Variants in TOP3B observed in about 807,000 individuals in gnomAD.
The protein encoded by TOP3B is DNA topoisomerase 3-beta-1.
TOP3B carries 45 observed loss-of-function variants against 93.9 expected under a neutral mutation model. The ratio of observed to expected loss-of-function variants is 0.48; its 90% CI spans 0.38 to 0.61. TOP3B has a LOEUF of 0.61. Among genes scored for constraint, TOP3B ranks in the 20% least tolerant of loss-of-function variants. The pLI is 0.00. For synonymous variants in TOP3B, 357 were observed against 472.6 expected (o/e 0.76, Z 3.17); for missense variants, 750 against 1,156.1 (o/e 0.65, Z 5.09).
chr22:21,978,706 C>T (rs980153480), intron 1 of TOP3B, among the ~76,000 whole-genome samples: 5 of 151,082 alleles, frequency 3.3e-5, no homozygotes, highest in Non-Finnish European at 7.4e-5. Context: ...GCAGCTGAGA[C>T]CTGACTGTAG....
At chr22:21,979,597 A>G (rs1457090099) in intron 1 of TOP3B, among the ~76,000 whole-genome samples, 3 of 152,126 alleles carry the variant, frequency 2.0e-5, no homozygotes, top group Non-Finnish European at 4.4e-5. Context: ...TCATGATAAA[A>G]GGTTAGAAAC....
At chr22:21,957,996 A>G (rs1266726543) in intron 17 of TOP3B, 1 of 1,349,298 alleles carries the variant, frequency 7.4e-7, no homozygotes, top group Admixed American at 2.2e-5. Flanking sequence ...CTGGGTGCAG[A>G]CTGAGGCCTG....
chr22:21,962,687 T>C (rs946795762), intron 12 of TOP3B, 60 bp downstream of exon 12: 37 of 1,608,762 alleles, frequency 2.3e-5, no homozygotes, highest in Non-Finnish European at 3.0e-5. Context: ...CCAGACACGA[T>C]GTAGAATGTT....
chr22:21,974,694 G>A, intron 2 of TOP3B: 1 of 488,862 alleles, frequency 2.0e-6, no homozygotes, highest in East Asian at 3.6e-5. Flanking sequence ...CAACAACCTA[G>A]CACAGAGCAC....
chr22:21,959,029 T>C (rs1295154236), intron 16 of TOP3B, 103 bp downstream of exon 16: 1 of 1,508,388 alleles, frequency 6.6e-7, no homozygotes, highest in Non-Finnish European at 8.9e-7. Flanking sequence ...CATCATTCTT[T>C]TGTGACAACC....
intron 8 of TOP3B, 68 bp downstream of exon 8, chr22:21,967,535 A>C: frequency 8.3e-7 from 1 of 1,197,812 alleles, no homozygotes; most frequent in Admixed American, 1.7e-5. Context: ...CTGTTCCTCC[A>C]GCGGGAGGCA....
chr22:21,980,843 A>C (rs1298172284), intron 1 of TOP3B, among the ~76,000 whole-genome samples: 1 of 152,100 alleles, frequency 6.6e-6, no homozygotes, highest in African/African-American at 2.4e-5. Flanking sequence ...CTCTCCCACA[A>C]TTGTCAGGTT....
chr22:21,964,287 C>T lies in TOP3B; in HGVS notation c.972G>A (p.Thr324=), dbSNP rs760265874. Residue 324 remains threonine, a synonymous_variant, in exon 10 of 18, where the codon ACG becomes ACA. Transcript: ENST00000357179. ...AGCCTTGCGTGTAGAGCCGCTCAGC[C>T]GTCTGCATGGCGTGCTGCGGCCCCA... The part of the protein sequence containing the change: ...LGMGPQHAMQ[T]AERLYTQGYI... 37 of 1,613,898 alleles carry T rather than the reference C, an allele frequency of 2.3e-5. No homozygotes were observed. Among genetic ancestry groups the T allele is most frequent in the Middle Eastern group, 1.6e-4 (1 of 6,070 alleles).
At position 21,959,250 on chromosome 22, in the gene TOP3B, G is replaced by A; in HGVS notation, c.1805-18C>T. 1 of 1,610,670 alleles carries A rather than the reference G, an allele frequency of 6.2e-7. No individual in the cohort carries two copies. Among genetic ancestry groups the A allele is most frequent in the Non-Finnish European group, 8.5e-7 (1 of 1,179,812 alleles). On this transcript the variant is annotated intron_variant, in intron 15 of 17. Coordinates refer to ENST00000357179, the MANE Select transcript of TOP3B (RefSeq NM_001282112.2). The stretch of plus-strand genomic sequence containing the variant: ...ATCCATGCCTGCGGGCAAGCAGAGT[G>A]CAGGAGTCATCTCCCTCCCAGTCCC...
chr22:21,975,402 T>A (rs1569157575), intron 2 of TOP3B: 1 of 453,040 alleles, frequency 2.2e-6, no homozygotes, highest in East Asian at 3.6e-5. Context: ...ATATGGATAA[T>A]GACTGTCCTT....
chr22:21,972,571 G>A, intron 4 of TOP3B, 41 bp downstream of exon 4: 1 of 1,454,376 alleles, frequency 6.9e-7, no homozygotes, highest in Non-Finnish European at 9.5e-7. Flanking sequence ...GTGGAGGGTG[G>A]GGAGCCCCGG....
chr22:21,960,584 G>T (rs1246852551), intron 13 of TOP3B, 135 bp from the exon 14 acceptor site: 3 of 1,237,300 alleles, frequency 2.4e-6, no homozygotes, highest in Non-Finnish European at 3.4e-6. Flanking sequence ...GGAGGGCTGT[G>T]CCCTGAGCTC....
Position 21,959,579 on chromosome 22 carries a change from G to T in TOP3B, c.1804+8C>A. ...TCTGGTGAGGGGCAGGCCAGAGGCAGACTCTACCAGCAATGGAGTCGACAA... is the reference window on the plus strand; with the variant it reads ...TCTGGTGAGGGGCAGGCCAGAGGCATACTCTACCAGCAATGGAGTCGACAA... On this transcript the variant is annotated splice_region_variant and intron_variant, in intron 15 of 17. Transcript: ENST00000357179. 6.2e-7 allele frequency: 1 copy of T among 1,604,308 alleles called. No homozygotes were observed. The highest frequency in any genetic ancestry group is 8.5e-7 in the Non-Finnish European group (1 of 1,173,804).
chr22:21,979,941 CAAA>C (rs57880095), intron 1 of TOP3B, among the ~76,000 whole-genome samples: 2 of 53,442 alleles, frequency 3.7e-5, no homozygotes, highest in Admixed American at 2.1e-4. Context: ...ACTCCATCTC[CAAA>C]AAAAAAAAAA....
chr22:21,959,027 T>C (rs937013229), intron 16 of TOP3B, 105 bp downstream of exon 16: 119 of 1,504,880 alleles, frequency 7.9e-5, no homozygotes, highest in Admixed American at 3.1e-4. Flanking sequence ...TCCATCATTC[T>C]TTTGTGACAA....
At chr22:21,967,816 G>A in intron 7 of TOP3B, 100 bp from the exon 8 acceptor site, 3 of 886,476 alleles carry the variant, frequency 3.4e-6, no homozygotes, top group East Asian at 2.5e-5. Flanking sequence ...CCTTGTCTGG[G>A]AGCCAAATAG....
chr22:21,960,197 AGTGT>A, intron 14 of TOP3B, 120 bp downstream of exon 14: 6 of 1,415,160 alleles, frequency 4.2e-6, no homozygotes, highest in Non-Finnish European at 5.8e-6. Context: ...GTGTTGAGGG[AGTGT>A]GTGTGGGGCT....
At chr22:21,975,610 A>C in intron 2 of TOP3B, 30 bp downstream of exon 2, 1 of 1,585,986 alleles carries the variant, frequency 6.3e-7, no homozygotes, top group Non-Finnish European at 8.6e-7. Flanking sequence ...GACCGTGCTT[A>C]CAGACCAAAG....
chr22:21,968,320 C>T (rs1004634773), intron 7 of TOP3B: 1 of 391,664 alleles, frequency 2.6e-6, no homozygotes, highest in African/African-American at 2.0e-5. Flanking sequence ...TGGTCTCAGT[C>T]CAGTGCTTGG....
Sources: gnomAD v4.1 joint callset for allele counts (sites outside exome capture counted in the v4.1 genomes callset) on GRCh38, gnomAD v4.1.1 for gene constraint, MANE v1.5 for transcripts, NCBI Gene and HGNC (gene_info 2026-07-23, HGNC 2026-07-21) for gene names.